The following SV2C variants were observed in gnomAD, a reference collection of about 807,000 sequenced individuals.
SV2C encodes the protein solute carrier family 22 member B3.
Under a neutral mutation model 79.7 loss-of-function variants are expected in SV2C, and 49 were observed. That is an observed-to-expected ratio of 0.61 (90% CI 0.49 to 0.78). SV2C has a LOEUF of 0.78. SV2C is among the 30% of genes least tolerant of loss of function. The pLI, the probability that SV2C is intolerant of heterozygous loss-of-function variation, is 0.00. For synonymous variants in SV2C, 334 were observed against 333.2 expected (o/e 1.00, Z -0.03); for missense variants, 833 against 912.9 (o/e 0.91, Z 1.13).
At chr5:76,346,110 C>T (rs1471983392) in intron 12 of SV2C, among the ~76,000 whole-genome samples, 1 of 152,140 alleles carries the variant, frequency 6.6e-6, no homozygotes, top group Non-Finnish European at 1.5e-5. Context: ...TAATTTCAAG[C>T]TACCAGTGTG....
intron 4 of SV2C, among the ~76,000 whole-genome samples, chr5:76,233,829 GCATTCGTTTTGCCA>G (rs909714091): frequency 1.3e-5 from 2 of 149,520 alleles, no homozygotes; most frequent in African/African-American, 5.1e-5. Flanking sequence ...ATGTGCTGTT[GCATTCGTTTTGCCA>G]GTATTTTATT....
the SV2C span, among the ~76,000 whole-genome samples, chr5:75,935,847 C>A: frequency 6.6e-6 from 1 of 152,104 alleles, no homozygotes; most frequent in African/African-American, 2.4e-5. Flanking sequence ...GTTTTCTATT[C>A]ATTTCTGTAT....
At chr5:76,119,440 A>G (rs867258186) in intron 1 of SV2C, among the ~76,000 whole-genome samples, 2 of 152,226 alleles carry the variant, frequency 1.3e-5, no homozygotes, top group East Asian at 1.9e-4. Flanking sequence ...GACACTGCAC[A>G]TTCCAAGTTA....
Position 76,349,247 on chromosome 5 carries a change from C to A in SV2C, c.2001-3883C>A, listed in dbSNP as rs577767777. ...AGTAATTAGGCCAAGCACGGTGGCT[C>A]ACGCCTGTAATCCCAGCACTTTGGG... On this transcript the variant is annotated intron_variant, in intron 12 of 12. Coordinates refer to the SV2C transcript ENST00000322285. Among the ~76,000 whole-genome samples the A allele has an allele frequency of 3.1e-4, 47 of 152,312 alleles. 1 individual carries two copies. The South Asian group carries it at 7.5e-3, about 24-fold the overall frequency.
chr5:76,066,625 A>G, the SV2C span, among the ~76,000 whole-genome samples: 14 of 152,124 alleles, frequency 9.2e-5, no homozygotes, highest in Middle Eastern at 6.8e-3. Flanking sequence ...AAGAAGAAAA[A>G]AAAAGAACCA....
intron 4 of SV2C, among the ~76,000 whole-genome samples, chr5:76,278,501 A>G (rs1747088846): frequency 6.6e-6 from 1 of 152,240 alleles, no homozygotes; most frequent in Non-Finnish European, 1.5e-5. Context: ...TCACATTCCA[A>G]GACTCCTAGG....
the SV2C span, among the ~76,000 whole-genome samples, chr5:76,004,248 C>T: frequency 6.6e-6 from 1 of 152,158 alleles, no homozygotes; most frequent in African/African-American, 2.4e-5. Flanking sequence ...CGTTTCTTAA[C>T]AACATACACT....
chr5:75,898,270 T>A, the SV2C span, among the ~76,000 whole-genome samples: 1 of 152,224 alleles, frequency 6.6e-6, no homozygotes, highest in Non-Finnish European at 1.5e-5. Context: ...TGAGAGCTTT[T>A]AGCATGAAGA....
intron 6 of SV2C, among the ~76,000 whole-genome samples, chr5:76,288,774 C>T (rs1747439893): frequency 6.6e-6 from 1 of 152,032 alleles, no homozygotes; most frequent in Non-Finnish European, 1.5e-5. Context: ...ATGTGACTTT[C>T]AAAAAGTTGT....
At chr5:75,907,295 A>T in the SV2C span, among the ~76,000 whole-genome samples, 7,643 of 152,258 alleles carry the variant, frequency 0.05, 625 homozygotes, top group African/African-American at 0.17. Flanking sequence ...TACTTAAAGG[A>T]AATGAGGCAA....
chr5:76,181,608 A>G (rs1743734049), intron 2 of SV2C, among the ~76,000 whole-genome samples: 1 of 151,900 alleles, frequency 6.6e-6, no homozygotes, highest in African/African-American at 2.4e-5. Flanking sequence ...AGAGAGAGGG[A>G]AGGGGGGATG....
chr5:76,154,979 T>G (rs1742676145), intron 2 of SV2C, among the ~76,000 whole-genome samples: 2 of 152,300 alleles, frequency 1.3e-5, no homozygotes, highest in Non-Finnish European at 2.9e-5. Context: ...GTTGCATTCC[T>G]TTGAGTCTTT....
At chr5:75,956,552 T>TAAC in the SV2C span, among the ~76,000 whole-genome samples, 16 of 151,606 alleles carry the variant, frequency 1.1e-4, no homozygotes, top group African/African-American at 3.6e-4. Flanking sequence ...ATAAAAATAA[T>TAAC]AATAATAAAA....
At chr5:76,338,717 A>G (rs59047714), downstream of SV2C, among the ~76,000 whole-genome samples, 7,022 of 148,584 alleles carry the variant, frequency 0.047, 576 homozygotes, top group African/African-American at 0.16. Flanking sequence ...GAGTGCAAAG[A>G]CACGATCTTG....
In SV2C at chr5:76,325,551, GA is replaced by G. The variant is rs779155256; in HGVS notation, c.*11del. ...ACGAACCCAGGTTCTGATGTAATGG[GA>G]AAAAAAGCCATCCTTCCTGCGTTTC... On this transcript the variant is annotated 3_prime_UTR_variant, in exon 13 of 13. Transcript: ENST00000502798. 3 of 1,610,920 alleles carry G rather than the reference GA, an allele frequency of 1.9e-6. No homozygotes were observed. Among genetic ancestry groups the G allele is most frequent in the Admixed American group, 1.7e-5 (1 of 59,386 alleles).
At chr5:75,982,152 G>T in the SV2C span, among the ~76,000 whole-genome samples, 1 of 151,090 alleles carries the variant, frequency 6.6e-6, no homozygotes, top group Non-Finnish European at 1.5e-5. Flanking sequence ...AGTGGGTGCA[G>T]CGCACCAGCA....
chr5:76,038,398 C>G, the SV2C span, among the ~76,000 whole-genome samples: 43 of 152,262 alleles, frequency 2.8e-4, no homozygotes, highest in Middle Eastern at 3.4e-3. Context: ...CAGATCTTGG[C>G]CAGAATCCCA....
At chr5:75,854,187 A>G in the SV2C span, among the ~76,000 whole-genome samples, 1 of 152,048 alleles carries the variant, frequency 6.6e-6, no homozygotes. Flanking sequence ...ATTCATAGAC[A>G]TTTTTCACAT....
intron 12 of SV2C, among the ~76,000 whole-genome samples, chr5:76,343,572 T>C (rs1749484223): frequency 6.6e-6 from 1 of 152,218 alleles, no homozygotes; most frequent in African/African-American, 2.4e-5. Flanking sequence ...TACCATGTGC[T>C]GACAAGGAGC....
Sources: allele counts gnomAD v4.1 joint callset (sites outside exome capture counted in the v4.1 genomes callset), GRCh38; gene constraint gnomAD v4.1.1; transcripts MANE v1.5; gene names NCBI Gene and HGNC (gene_info 2026-07-23, HGNC 2026-07-21).